The following TPR variants were observed in gnomAD, a reference collection of about 807,000 sequenced individuals.
The protein encoded by TPR is nucleoprotein TPR.
Under a neutral mutation model 316.1 loss-of-function variants are expected in TPR, and 51 were observed. The observed-to-expected ratio is 0.16, with a 90% CI of 0.13 to 0.20. The LOEUF is 0.20. Among genes scored for constraint, TPR ranks in the 10% least tolerant of loss-of-function variants. The pLI, the probability that TPR is intolerant of heterozygous loss-of-function variation, is 1.00. For missense variants in TPR, 2,272 were observed against 2,754.8 expected (o/e 0.82, Z 3.92); for synonymous variants, 981 against 914.7 (o/e 1.07, Z -1.31).
rs781343386 is a variant in TPR, at chr1:186,327,484, A to T, written c.5865T>A (p.Asp1955Glu). 1 of 1,610,444 alleles carries T rather than the reference A, an allele frequency of 6.2e-7. No homozygotes were observed. Among genetic ancestry groups the T allele is most frequent in the Non-Finnish European group, 8.5e-7 (1 of 1,179,330 alleles). The change falls in exon 40 of 51, where the codon GAT becomes GAA. Residue 1955 changes from aspartate (D) to glutamate (E), a missense_variant. Around this residue, in one of 10 missense-constraint regions of TPR, gnomAD observed 435 missense variants for 461.1 expected, o/e 0.94. Coordinates refer to ENST00000367478, the MANE Select transcript of TPR (RefSeq NM_003292.3). ...VIDSDDEEED[D>E]DENDGEHEDY... ...CCTCATGTTCTCCATCATTTTCATCATCATCCTCTTCTTCATCATCACTGT... is the reference window on the plus strand; with the variant it reads ...CCTCATGTTCTCCATCATTTTCATCTTCATCCTCTTCTTCATCATCACTGT...
At chr1:186,334,929 G>T in intron 35 of TPR, 139 bp downstream of exon 35, 1 of 827,594 alleles carries the variant, frequency 1.2e-6, no homozygotes, top group Non-Finnish European at 1.8e-6. Context: ...ACATGATACA[G>T]TTCTGCAGAG....
chr1:186,345,734 G>T, intron 23 of TPR, 38 bp from the exon 24 acceptor site: 1 of 1,431,410 alleles, frequency 7.0e-7, no homozygotes, highest in Non-Finnish European at 9.8e-7. Flanking sequence ...AAAATTAATT[G>T]CAAACTTACT....
At chr1:186,321,612 C>G (rs750031556) in intron 45 of TPR, among the ~76,000 whole-genome samples, 3 of 152,196 alleles carry the variant, frequency 2.0e-5, no homozygotes, top group African/African-American at 7.2e-5. Context: ...CATGAAAATG[C>G]TCAATAAATG....
Position 186,363,452 on chromosome 1 carries a change from T to C in TPR, c.428-7A>G, listed in dbSNP as rs375650618. On this transcript the variant is annotated splice_polypyrimidine_tract_variant and splice_region_variant and intron_variant, in intron 4 of 50. Coordinates refer to ENST00000367478, the MANE Select transcript of TPR (RefSeq NM_003292.3). ...TTCAGACGTTTAACATCCTCTAGAA[T>C]GGTGAAGAGAATTAAAAAATAATAA... The C allele has an allele frequency of 2.5e-5, 40 of 1,572,526 alleles. No homozygotes were observed. The highest frequency in any genetic ancestry group is 3.4e-5 in the Non-Finnish European group (39 of 1,147,216).
At chr1:186,351,750 G>C (rs1489928610) in intron 19 of TPR, among the ~76,000 whole-genome samples, 1 of 151,922 alleles carries the variant, frequency 6.6e-6, no homozygotes, top group Non-Finnish European at 1.5e-5. Flanking sequence ...AACTGCACAG[G>C]ACACTGTAAA....
At chr1:186,317,760 C>T (rs917344929) in intron 48 of TPR, among the ~76,000 whole-genome samples, 160 bp from the exon 49 acceptor site, 2 of 152,106 alleles carry the variant, frequency 1.3e-5, no homozygotes, top group Non-Finnish European at 2.9e-5. Context: ...TTCAAAGGAG[C>T]AGGGGGGAAA....
chr1:186,374,638 G>A (rs192106688), intron 1 of TPR, among the ~76,000 whole-genome samples: 13 of 152,274 alleles, frequency 8.5e-5, no homozygotes, highest in African/African-American at 2.9e-4. Flanking sequence ...GAAAATAAGC[G>A]TCCCTGTATG....
rs1022316640 is a variant in TPR, at chr1:186,313,372, T to G, written c.*599A>C. ...ATAATATGAATGACATTGGCATGTA[T>G]TTTTTAAAAGGAATAACCCCAAGTA... On this transcript the variant is annotated 3_prime_UTR_variant, in exon 51 of 51. Coordinates refer to ENST00000367478, the MANE Select transcript of TPR (RefSeq NM_003292.3). 1.8e-5 allele frequency: 6 copies of G among 342,542 alleles called. No homozygotes were observed. Among genetic ancestry groups the G allele is most frequent in the African/African-American group, 1.3e-4 (6 of 47,526 alleles). 21.2% of individuals were successfully genotyped at this position (342,542 alleles called of 1,614,324 possible).
chr1:186,337,841 T>G lies in TPR; in HGVS notation c.4362+192A>C, dbSNP rs141475793. 1.6e-4 allele frequency among the ~76,000 whole-genome samples: 25 copies of G among 152,166 alleles called. No homozygotes were observed. In the East Asian group the frequency reaches 4.6e-3, roughly 28 times the overall value. ...TTTGAAAGGTGAAGACTGAACTATC[T>G]AGTATTTACCAAAATTTGTGAGTTT... On this transcript the variant is annotated intron_variant, in intron 31 of 50. Coordinates refer to ENST00000367478, the MANE Select transcript of TPR (RefSeq NM_003292.3).
intron 35 of TPR, 40 bp downstream of exon 35, chr1:186,335,028 T>C: frequency 1.3e-6 from 2 of 1,591,652 alleles, no homozygotes. Flanking sequence ...CCCTGAGCTT[T>C]AAAAGAAAAA....
intron 14 of TPR, among the ~76,000 whole-genome samples, chr1:186,356,779 C>G (rs1659041039): frequency 6.6e-6 from 1 of 152,158 alleles, no homozygotes; most frequent in Non-Finnish European, 1.5e-5. Flanking sequence ...AAACCTCTGA[C>G]TAATTCTTAC....
At position 186,342,943 on chromosome 1, in the gene TPR, A is replaced by G. The variant is rs140492630; in HGVS notation, c.3750+383T>C. On this transcript the variant is annotated intron_variant, in intron 27 of 50. Coordinates refer to ENST00000367478, the MANE Select transcript of TPR (RefSeq NM_003292.3). ...ATCCACACGTATAATCCATAACTAT[A>G]ATAAATTAAGATAGCTGGAATTTAT... 1.2e-3 allele frequency: 185 copies of G among 158,212 alleles called. 1 individual carries two copies. Among genetic ancestry groups the G allele is most frequent in the African/African-American group, 4.2e-3 (176 of 41,844 alleles). The allele number at this position is 158,212 out of a possible 1,614,324, so 9.8% of individuals were successfully genotyped here. A position where few individuals can be genotyped will look rare whatever the true frequency, so the allele number is the denominator to read the frequency against.
chr1:186,326,666 T>C lies in TPR; in HGVS notation c.5890-431A>G, dbSNP rs189944990. The stretch of plus-strand genomic sequence containing the variant: ...AAAACAAACAATTTGACCTTATATA[T>C]ATAAAATACACTTTATATATAAAAA... On this transcript the variant is annotated intron_variant, in intron 40 of 50. Transcript: ENST00000367478. Among the ~76,000 whole-genome samples the C allele has an allele frequency of 4.6e-5, 7 of 151,780 alleles. No individual in the cohort carries two copies. The East Asian group carries it at 1.2e-3, about 25-fold the overall frequency.
chr1:186,317,701 G>T, intron 48 of TPR, 101 bp from the exon 49 acceptor site: 1 of 1,117,538 alleles, frequency 8.9e-7, no homozygotes, highest in Non-Finnish European at 1.3e-6. Context: ...GTAATCCAGA[G>T]CTCCCTTAAA....
intron 2 of TPR, 73 bp downstream of exon 2, chr1:186,373,286 C>T (rs1166484990): frequency 2.0e-6 from 2 of 990,648 alleles, no homozygotes; most frequent in Non-Finnish European, 1.5e-6. Context: ...GCAAATGTTT[C>T]CAAAGTATAT....
chr1:186,312,252 C>T lies in TPR; in HGVS notation c.*1719G>A. On this transcript the variant is annotated 3_prime_UTR_variant, in exon 51 of 51. Coordinates refer to ENST00000367478, the MANE Select transcript of TPR (RefSeq NM_003292.3). The stretch of plus-strand genomic sequence containing the variant: ...TGGAAGAAGGCCTGCTCTAAATTAT[C>T]CAGTGTATGGAGAAACGACACAGGT... 6.2e-7 allele frequency: 1 copy of T among 1,613,984 alleles called. No individual in the cohort carries two copies. The highest frequency in any genetic ancestry group is 1.1e-5 in the South Asian group (1 of 91,082).
At chr1:186,325,068 G>A (rs1461488635) in intron 42 of TPR, among the ~76,000 whole-genome samples, 1 of 151,902 alleles carries the variant, frequency 6.6e-6, no homozygotes, top group Non-Finnish European at 1.5e-5. Flanking sequence ...GTTAAAATGA[G>A]AATATATCTT....
chr1:186,341,184 A>G, intron 28 of TPR, 25 bp from the exon 29 acceptor site: 1 of 1,612,808 alleles, frequency 6.2e-7, no homozygotes, highest in Non-Finnish European at 8.5e-7. Context: ...AATATTTAAC[A>G]ACAAATGTAA....
intron 35 of TPR, 134 bp from the exon 36 acceptor site, chr1:186,334,667 T>A: frequency 1.0e-6 from 1 of 962,850 alleles, no homozygotes; most frequent in Non-Finnish European, 1.5e-6. Flanking sequence ...GTTTTGAATT[T>A]AAGCATTAAA....
Sources: gnomAD v4.1 joint callset for allele counts (sites outside exome capture counted in the v4.1 genomes callset) on GRCh38, gnomAD v4.1.1 for gene constraint, gnomAD v4.1.1 regional missense constraint, MANE v1.5 for transcripts, NCBI Gene and HGNC (gene_info 2026-07-23, HGNC 2026-07-21) for gene names.